The following CACNA2D3 variants were observed in gnomAD, a reference collection of about 807,000 sequenced individuals.
The protein encoded by CACNA2D3 is calcium voltage-gated channel auxiliary subunit alpha2delta 3.
CACNA2D3 carries 60 observed loss-of-function variants against 160.6 expected under a neutral mutation model. The observed-to-expected ratio is 0.37, with a 90% CI of 0.30 to 0.46. The LOEUF (loss-of-function observed/expected upper bound fraction) is 0.46, where lower values mean the gene tolerates loss of function less well. Ranked by LOEUF, CACNA2D3 falls within the 20% of genes least tolerant of loss-of-function variation. The pLI is 1.00. For synonymous variants in CACNA2D3, 558 were observed against 492.9 expected, an observed-to-expected ratio of 1.13 and a Z score of -1.75; for missense variants, 1,205 against 1,365.0, an observed-to-expected ratio of 0.88 and a Z score of 1.85.
chr3:54,134,400 G>C (rs982706535), intron 2 of CACNA2D3, among the ~76,000 whole-genome samples: 2 of 152,142 alleles, frequency 1.3e-5, no homozygotes, highest in Non-Finnish European at 2.9e-5. Context: ...CGATCTATGG[G>C]GTGGGCTTCA....
intron 16 of CACNA2D3, among the ~76,000 whole-genome samples, chr3:54,844,227 A>T (rs554910090): frequency 1.3e-5 from 2 of 152,170 alleles, no homozygotes; most frequent in Non-Finnish European, 2.9e-5. Context: ...AGAGGAAGCA[A>T]TGGGCTAAGA....
chr3:54,324,578 C>T (rs1042001687), intron 3 of CACNA2D3, among the ~76,000 whole-genome samples: 1 of 152,068 alleles, frequency 6.6e-6, no homozygotes, highest in East Asian at 1.9e-4. Context: ...TTTTCACACC[C>T]ACGCAGAGGC....
intron 4 of CACNA2D3, among the ~76,000 whole-genome samples, chr3:54,483,942 C>T (rs1700973774): frequency 6.6e-6 from 1 of 152,128 alleles, no homozygotes; most frequent in African/African-American, 2.4e-5. Context: ...TGGAAAGTTG[C>T]CCGGAGCAAC....
At chr3:55,051,887 C>A (rs1428659496) in intron 35 of CACNA2D3, among the ~76,000 whole-genome samples, 5 of 152,190 alleles carry the variant, frequency 3.3e-5, no homozygotes, top group African/African-American at 1.2e-4. Flanking sequence ...GTCTGTCACC[C>A]CTTTCTTTGA....
chr3:54,733,222 C>A (rs1319384233), intron 11 of CACNA2D3, among the ~76,000 whole-genome samples: 1 of 152,338 alleles, frequency 6.6e-6, no homozygotes, highest in African/African-American at 2.4e-5. Flanking sequence ...TGTAAACAGG[C>A]ACCTCAGCAG....
intron 27 of CACNA2D3, chr3:54,924,650 A>C: frequency 1.2e-6 from 2 of 1,614,130 alleles, no homozygotes; most frequent in African/African-American, 1.3e-5. Flanking sequence ...GCCAGAGTTT[A>C]AGACCGAGCA....
intron 3 of CACNA2D3, among the ~76,000 whole-genome samples, chr3:54,341,066 C>A (rs1323549370): frequency 1.3e-5 from 2 of 152,224 alleles, no homozygotes; most frequent in Non-Finnish European, 2.9e-5. Flanking sequence ...CCCTGGACTT[C>A]TTCTGGTGTC....
chr3:54,615,695 G>C lies in CACNA2D3; in HGVS notation c.964-12092G>C, dbSNP rs191367664. On this transcript the variant is annotated intron_variant, in intron 9 of 37. Coordinates refer to ENST00000474759, the MANE Select transcript of CACNA2D3 (RefSeq NM_018398.3). ...CACAATAATCTAGATGAGTATATTA[G>C]TTATCTGCTGTTGTGGAACAAATTA... Among the ~76,000 whole-genome samples the C allele has an allele frequency of 4.6e-3, 697 of 152,268 alleles. 7 individuals carry two copies. Among genetic ancestry groups the C allele is most frequent in the African/African-American group, 0.016 (655 of 41,552 alleles).
rs766108149 is a variant in CACNA2D3 at position 54,764,174 on chromosome 3, T to C, written c.1247-44T>C. 7 of 1,610,070 alleles carry C rather than the reference T, an allele frequency of 4.3e-6. No individual in the cohort carries two copies. The East Asian group carries it at 1.3e-4, about 31-fold the overall frequency. On this transcript the variant is annotated intron_variant, in intron 12 of 37. Coordinates refer to ENST00000474759, the MANE Select transcript of CACNA2D3 (RefSeq NM_018398.3). ...ATATGCATATTCCCAGTTGCAAGTC[T>C]TTCTGTCTGTTACTAAACTTGGCCC...
At chr3:54,247,370 A>G (rs1288381546) in intron 2 of CACNA2D3, among the ~76,000 whole-genome samples, 1 of 151,152 alleles carries the variant, frequency 6.6e-6, no homozygotes, top group Non-Finnish European at 1.5e-5. Context: ...AAAATGAACT[A>G]AAACATTAAG....
At chr3:54,321,726 TG>T (rs1177975355) in intron 3 of CACNA2D3, among the ~76,000 whole-genome samples, 1 of 152,144 alleles carries the variant, frequency 6.6e-6, no homozygotes, top group Non-Finnish European at 1.5e-5. Context: ...CATTCTTTAC[TG>T]CCGCCTTGCT....
At chr3:54,611,869 A>T (rs1267005012) in intron 9 of CACNA2D3, among the ~76,000 whole-genome samples, 1 of 152,220 alleles carries the variant, frequency 6.6e-6, no homozygotes, top group Non-Finnish European at 1.5e-5. Flanking sequence ...TAAATAAATG[A>T]ATTCAGCACA....
chr3:54,599,791 CT>C (rs1173837031), intron 9 of CACNA2D3, among the ~76,000 whole-genome samples: 1 of 152,152 alleles, frequency 6.6e-6, no homozygotes, highest in Admixed American at 6.5e-5. Context: ...ATCACTGAAG[CT>C]TTTAGTGCCG....
intron 11 of CACNA2D3, among the ~76,000 whole-genome samples, chr3:54,644,705 C>G (rs115606747): frequency 6.6e-6 from 1 of 152,244 alleles, no homozygotes; most frequent in Non-Finnish European, 1.5e-5. Flanking sequence ...GAGTGAGCTT[C>G]GGGATCACCC....
chr3:54,601,396 C>T (rs984114431), intron 9 of CACNA2D3, among the ~76,000 whole-genome samples: 5 of 152,038 alleles, frequency 3.3e-5, no homozygotes, highest in Non-Finnish European at 5.9e-5. Context: ...TTTATAGAAA[C>T]GGGGTCCTGC....
At chr3:54,863,288 G>A (rs1269910344) in intron 17 of CACNA2D3, among the ~76,000 whole-genome samples, 4 of 152,088 alleles carry the variant, frequency 2.6e-5, no homozygotes, top group Non-Finnish European at 4.4e-5. Flanking sequence ...ATGCCCCTGG[G>A]TGCCCACATG....
chr3:54,687,114 TC>T (rs1700462612), intron 11 of CACNA2D3, among the ~76,000 whole-genome samples: 1 of 79,078 alleles, frequency 1.3e-5, no homozygotes, highest in South Asian at 4.3e-4. Flanking sequence ...TTTTTCTTTT[TC>T]TTTTTCTTTT....
intron 12 of CACNA2D3, among the ~76,000 whole-genome samples, chr3:54,759,761 C>T (rs1169110311): frequency 6.6e-6 from 1 of 152,172 alleles, no homozygotes; most frequent in Non-Finnish European, 1.5e-5. Flanking sequence ...ACGCAAATAG[C>T]CCATTAGAGT....
chr3:54,437,722 C>T (rs1330109784), intron 4 of CACNA2D3, among the ~76,000 whole-genome samples: 1 of 152,188 alleles, frequency 6.6e-6, no homozygotes, highest in Non-Finnish European at 1.5e-5. Context: ...ACTTTTTTAC[C>T]ATCTTCCTTT....
Sources: gnomAD v4.1 joint callset for allele counts (sites outside exome capture counted in the v4.1 genomes callset) on GRCh38, gnomAD v4.1.1 for gene constraint, MANE v1.5 for transcripts, NCBI Gene and HGNC (gene_info 2026-07-23, HGNC 2026-07-21) for gene names.